ANKRD13D: variants seen among roughly 807,000 people sequenced by gnomAD.
The protein encoded by ANKRD13D is ankyrin repeat domain-containing protein 13D.
A neutral mutation model predicts 68.8 loss-of-function variants in ANKRD13D; 24 were observed. That is an observed-to-expected ratio of 0.35 (90% CI 0.25 to 0.49). The LOEUF (loss-of-function observed/expected upper bound fraction) is 0.49, where lower values mean the gene tolerates loss of function less well. ANKRD13D is among the 20% of genes least tolerant of loss of function. ANKRD13D has a pLI of 0.99. For synonymous variants in ANKRD13D, 331 were observed against 336.1 expected (o/e 0.98, Z 0.16); for missense variants, 735 against 832.1 (o/e 0.88, Z 1.44).
intron 6 of ANKRD13D, 100 bp downstream of exon 6, chr11:67,292,280 T>C: frequency 7.4e-7 from 1 of 1,349,436 alleles, no homozygotes. Flanking sequence ...GGTTCAGGCC[T>C]CTGGGCTCAC....
At chr11:67,294,141 C>T (rs1860678302) in intron 6 of ANKRD13D, among the ~76,000 whole-genome samples, 2 of 152,190 alleles carry the variant, frequency 1.3e-5, no homozygotes, top group African/African-American at 4.8e-5. Flanking sequence ...TGTTGCTTTG[C>T]AATAAGTTTT....
At position 67,290,383 on chromosome 11, in the gene ANKRD13D, G is replaced by C; in HGVS notation, c.288G>C (p.Arg96=). The part of the protein sequence containing the change: ...PEMVQLVLQY[R]DYQRATQRLA... The stretch of plus-strand genomic sequence containing the variant: ...TGGTGCAGCTGGTGCTCCAGTATCG[G>C]GACTACCAGAGGGCCACGCAGAGGC... Residue 96 remains arginine, a synonymous_variant, in exon 3 of 15, where the codon CGG becomes CGC. Transcript: ENST00000511455. 2 of 1,590,662 alleles carry C rather than the reference G, an allele frequency of 1.3e-6. No homozygotes were observed. Among genetic ancestry groups the C allele is most frequent in the Middle Eastern group, 2.0e-4 (1 of 4,970 alleles).
At position 67,299,191 on chromosome 11, in the gene ANKRD13D, C is replaced by A; in HGVS notation, c.798+67C>A. On this transcript the variant is annotated intron_variant, in intron 7 of 14. Coordinates refer to ENST00000511455, the MANE Select transcript of ANKRD13D (RefSeq NM_207354.3). This position sits in a 1 kb window ranked among gnomAD's most constrained non-coding sequence, Gnocchi z 6.2. ...GGTCCAGGAACTCAGCTCCTCTCCACATCCATCCCAGAGTAGCCCCTGGGC... is the reference window on the plus strand; with the variant it reads ...GGTCCAGGAACTCAGCTCCTCTCCAAATCCATCCCAGAGTAGCCCCTGGGC... 6.4e-7 allele frequency: 1 copy of A among 1,570,522 alleles called. No individual in the cohort carries two copies. The highest frequency in any genetic ancestry group is 1.1e-5 in the South Asian group (1 of 90,258).
chr11:67,300,061 C>T lies in ANKRD13D; in HGVS notation c.1011C>T (p.Pro337=), dbSNP rs373975192. 1.2e-6 allele frequency: 2 copies of T among 1,614,106 alleles called. No homozygotes were observed. The highest frequency in any genetic ancestry group is 1.7e-6 in the Non-Finnish European group (2 of 1,179,982). ...TCTCCCCTGAGGAGTACTTCGACCC[C>T]AACTTCAGCCTGGAGTCACGGAACA... ...TAISPEEYFD[P]NFSLESRNIG... The change falls in exon 10 of 15, where the codon CCC becomes CCT. Residue 337 remains proline (P), a synonymous_variant. Transcript: ENST00000511455. The surrounding 1 kb of genome is among the most constrained non-coding windows in gnomAD (Gnocchi z 4.3).
intron 4 of ANKRD13D, 33 bp from the exon 5 acceptor site, chr11:67,291,570 A>G: frequency 1.2e-6 from 2 of 1,613,690 alleles, no homozygotes; most frequent in Non-Finnish European, 1.7e-6. Flanking sequence ...GGGCCTTTGG[A>G]AAGACCCCCA....
Position 67,300,159 on chromosome 11 carries a change from G to A in ANKRD13D, c.1073+36G>A, listed in dbSNP as rs758350230. 3.7e-6 allele frequency: 6 copies of A among 1,611,988 alleles called. No homozygotes were observed. Among genetic ancestry groups the A allele is most frequent in the Non-Finnish European group, 5.1e-6 (6 of 1,178,932 alleles). On this transcript the variant is annotated intron_variant, in intron 10 of 14. Transcript: ENST00000511455. The surrounding 1 kb of genome is among the most constrained non-coding windows in gnomAD (Gnocchi z 4.3). ...AGAGCTGGCTGGGGACTTGCCTCGGGACAAGGGCTCTTGCAGACCCCTCTC... is the reference window on the plus strand; with the variant it reads ...AGAGCTGGCTGGGGACTTGCCTCGGAACAAGGGCTCTTGCAGACCCCTCTC...
chr11:67,289,961 C>G, intron 1 of ANKRD13D, 117 bp from the exon 2 acceptor site: 5 of 1,460,258 alleles, frequency 3.4e-6, no homozygotes, highest in Non-Finnish European at 4.5e-6. Context: ...TCTGCCATCT[C>G]CCTGGTCAGT....
At position 67,290,323 on chromosome 11, in the gene ANKRD13D, C is replaced by T; in HGVS notation, c.228C>T (p.Val76=). The T allele has an allele frequency of 6.4e-7, 1 of 1,552,048 alleles. No homozygotes were observed. The highest frequency in any genetic ancestry group is 8.7e-7 in the Non-Finnish European group (1 of 1,147,480). ...VGKENRQGWA[V]LQEAVSTGDP... is the part of the protein sequence containing the mutation. Reference sequence around the variant, plus strand: ...CCCTCAGCAGCCTGGTGCCCGCAGTCCTGCAGGAGGCAGTCAGCACTGGAG... The same window carrying T: ...CCCTCAGCAGCCTGGTGCCCGCAGTTCTGCAGGAGGCAGTCAGCACTGGAG... The change falls in exon 3 of 15, where the codon GTC becomes GTT. Residue 76 remains valine (V), a splice_region_variant and synonymous_variant. Transcript: ENST00000511455.
intron 14 of ANKRD13D, 42 bp from the exon 15 acceptor site, chr11:67,302,077 C>T (rs766404513): frequency 1.9e-5 from 28 of 1,492,032 alleles, no homozygotes; most frequent in Admixed American, 1.5e-4. Context: ...CCAGCCTTGG[C>T]GCTCACTGGC....
Position 67,300,379 on chromosome 11 carries a change from T to A in ANKRD13D, c.1073+256T>A. Reference sequence around the variant, plus strand: ...ATGGTTTTCTATTGAATTTCATGAGTACCTGCTGGGGCCAGCGTGGCACAG... The same window carrying A: ...ATGGTTTTCTATTGAATTTCATGAGAACCTGCTGGGGCCAGCGTGGCACAG... On this transcript the variant is annotated intron_variant, in intron 10 of 14. Coordinates refer to ENST00000511455, the MANE Select transcript of ANKRD13D (RefSeq NM_207354.3). This position sits in a 1 kb window ranked among gnomAD's most constrained non-coding sequence, Gnocchi z 4.3. 1 of 491,458 alleles carries A rather than the reference T, an allele frequency of 2.0e-6. No homozygotes were observed. The highest frequency in any genetic ancestry group is 3.6e-6 in the Non-Finnish European group (1 of 279,680). 30.4% of individuals were successfully genotyped at this position (491,458 alleles called of 1,614,324 possible).
chr11:67,299,441 G>C lies in ANKRD13D; in HGVS notation c.799-89G>C, dbSNP rs1590873198. The C allele has an allele frequency of 1.8e-6, 2 of 1,126,736 alleles. No individual in the cohort carries two copies. Among genetic ancestry groups the C allele is most frequent in the East Asian group, 2.6e-5 (1 of 38,774 alleles). The allele number at this position is 1,126,736 out of a possible 1,614,324, so 69.8% of individuals were successfully genotyped here. ...GGGAGCAAGATCTCATCTGTCTCTG[G>C]GACAGGAGGACCTGGGTTCTGCACT... is the stretch of plus-strand genomic sequence containing the variant. On this transcript the variant is annotated intron_variant, in intron 7 of 14. Coordinates refer to ENST00000511455, the MANE Select transcript of ANKRD13D (RefSeq NM_207354.3). This position sits in a 1 kb window ranked among gnomAD's most constrained non-coding sequence, Gnocchi z 6.2.
Position 67,292,185 on chromosome 11 carries a change from G to C in ANKRD13D, c.731+5G>C. 1.3e-6 allele frequency: 2 copies of C among 1,579,970 alleles called. No homozygotes were observed. Among genetic ancestry groups the C allele is most frequent in the East Asian group, 4.5e-5 (2 of 44,078 alleles). ...TCGTAATGTGGCCTTTGAGAGGTCG[G>C]TCGGGTCCTGGCACACCGTGGGTGG... On this transcript the variant is annotated splice_donor_5th_base_variant and intron_variant, in intron 6 of 14. Transcript: ENST00000511455.
intron 6 of ANKRD13D, among the ~76,000 whole-genome samples, chr11:67,292,667 C>T (rs1294703831): frequency 6.6e-6 from 1 of 151,830 alleles, no homozygotes; most frequent in Non-Finnish European, 1.5e-5. Flanking sequence ...ATCTCATATA[C>T]CATATAAGAT....
At chr11:67,296,028 C>T (rs1033262654) in intron 6 of ANKRD13D, among the ~76,000 whole-genome samples, 1 of 152,150 alleles carries the variant, frequency 6.6e-6, no homozygotes, top group Admixed American at 6.5e-5. Flanking sequence ...CATCAATTGA[C>T]CTATGGATAT....
At chr11:67,291,234 G>A in intron 3 of ANKRD13D, 1 of 518,434 alleles carries the variant, frequency 1.9e-6, no homozygotes, top group Non-Finnish European at 3.4e-6. Context: ...GCACACACCT[G>A]TGGTCCCAGC....
chr11:67,301,754 C>G lies in ANKRD13D; in HGVS notation c.1535C>G (p.Thr512Ser), dbSNP rs1429002762. ...AEQVTVWEAL[T>S]NTRPGARPPP... ...CAGGTGACCGTCTGGGAAGCCCTGA[C>G]CAACACCCGGCCCGGTGCCCGCCCT... is the stretch of plus-strand genomic sequence containing the variant. The change falls in exon 14 of 15, where the codon ACC becomes AGC. Residue 512 changes from threonine (T) to serine (S), a missense_variant. By Grantham distance (58) the Thr-to-Ser change is moderately conservative. Coordinates refer to ENST00000511455, the MANE Select transcript of ANKRD13D (RefSeq NM_207354.3). The surrounding 1 kb of genome is among the most constrained non-coding windows in gnomAD (Gnocchi z 4.5). The G allele has an allele frequency of 2.5e-6, 4 of 1,611,352 alleles. No homozygotes were observed. The highest frequency in any genetic ancestry group is 2.5e-6 in the Non-Finnish European group (3 of 1,179,512).
intron 6 of ANKRD13D, among the ~76,000 whole-genome samples, chr11:67,294,585 G>A (rs1194901140): frequency 1.3e-5 from 2 of 150,674 alleles, no homozygotes; most frequent in East Asian, 1.9e-4. Context: ...CTATTGCCCA[G>A]GCTGGAGTGC....
chr11:67,299,263 C>G lies in ANKRD13D; in HGVS notation c.798+139C>G. ...TGGGAACTCAGCGGGCCTGAGTGCC[C>G]AGCCCCTGCGGAGTACACAGGGCTC... On this transcript the variant is annotated intron_variant, in intron 7 of 14. Coordinates refer to ENST00000511455, the MANE Select transcript of ANKRD13D (RefSeq NM_207354.3). This position sits in a 1 kb window ranked among gnomAD's most constrained non-coding sequence, Gnocchi z 6.2. 1 of 1,073,118 alleles carries G rather than the reference C, an allele frequency of 9.3e-7. No individual in the cohort carries two copies. Among genetic ancestry groups the G allele is most frequent in the East Asian group, 2.5e-5 (1 of 40,320 alleles). 66.5% of individuals were successfully genotyped at this position (1,073,118 alleles called of 1,614,324 possible). A position where few individuals can be genotyped will look rare whatever the true frequency, so the allele number is the denominator to read the frequency against.
Position 67,299,750 on chromosome 11 carries a change from T to C in ANKRD13D, c.881-77T>C, listed in dbSNP as rs1860902019. 2 of 1,538,718 alleles carry C rather than the reference T, an allele frequency of 1.3e-6. No individual in the cohort carries two copies. The highest frequency in any genetic ancestry group is 1.9e-5 in the Admixed American group (1 of 52,740). On this transcript the variant is annotated intron_variant, in intron 8 of 14. Transcript: ENST00000511455. This position sits in a 1 kb window ranked among gnomAD's most constrained non-coding sequence, Gnocchi z 6.2. The stretch of plus-strand genomic sequence containing the variant: ...GTCTGACCCCTCTTCCCCCAGACAG[T>C]AGGCTCCAGGGGTGGAGGTGGGCAG...
Sources: gnomAD v4.1 joint callset for allele counts (sites outside exome capture counted in the v4.1 genomes callset) on GRCh38, gnomAD v4.1.1 for gene constraint, Gnocchi (gnomAD v3.1) non-coding constraint, MANE v1.5 for transcripts, NCBI Gene and HGNC (gene_info 2026-07-23, HGNC 2026-07-21) for gene names.